Variants in PRKN observed in about 807,000 individuals in gnomAD.
PRKN encodes the protein E3 ubiquitin-protein ligase parkin.
A neutral mutation model predicts 59.5 loss-of-function variants in PRKN; 56 were observed. That is an observed-to-expected ratio of 0.94 (90% confidence interval 0.76 to 1.18). PRKN has a LOEUF of 1.18. Ranked by LOEUF, PRKN falls within the 50% of genes most tolerant of loss-of-function variation. PRKN has a pLI of 0.00. For synonymous variants in PRKN, 250 were observed against 222.1 expected, an observed-to-expected ratio of 1.13 and a Z score of -1.12; for missense variants, 657 against 596.4, an observed-to-expected ratio of 1.10 and a Z score of -1.06.
chr6:162,612,030 GA>G (rs370097730), intron 1 of PRKN, among the ~76,000 whole-genome samples: 33,300 of 142,942 alleles, frequency 0.23, 4,009 homozygotes, highest in East Asian at 0.51. Flanking sequence ...CTAAAAATAC[GA>G]AAAAAAAAAA....
rs1273824143 is a variant in PRKN, at chr6:161,688,164, A to G, written c.871+97608T>C. Among the ~76,000 whole-genome samples, 7 of 152,336 alleles carry G rather than the reference A, an allele frequency of 4.6e-5. No individual in the cohort carries two copies. The East Asian group carries it at 1.3e-3, about 29-fold the overall frequency. On this transcript the variant is annotated intron_variant, in intron 7 of 11. Coordinates refer to ENST00000366898, the MANE Select transcript of PRKN (RefSeq NM_004562.3). ...TTTTCCGTGAATTAGACTGGATCTT[A>G]AGTGAAGGAGACACAAACCAACTGC...
At chr6:162,609,008 G>A (rs1183982791) in intron 1 of PRKN, among the ~76,000 whole-genome samples, 1 of 152,150 alleles carries the variant, frequency 6.6e-6, no homozygotes, top group Non-Finnish European at 1.5e-5. Flanking sequence ...CTCTTCCTGA[G>A]AAGAGACAGT....
chr6:162,060,150 T>C (rs1332105556), intron 4 of PRKN, among the ~76,000 whole-genome samples: 2 of 152,218 alleles, frequency 1.3e-5, no homozygotes, highest in African/African-American at 4.8e-5. Context: ...AAAAGTACTC[T>C]TTTATTTTTA....
intron 7 of PRKN, among the ~76,000 whole-genome samples, chr6:161,762,968 C>T (rs1294427768): frequency 6.6e-6 from 1 of 152,076 alleles, no homozygotes; most frequent in Non-Finnish European, 1.5e-5. Flanking sequence ...TGAGAGACTA[C>T]TGAGGACAAA....
chr6:161,825,657 G>A (rs1792213863), intron 6 of PRKN, among the ~76,000 whole-genome samples: 1 of 152,186 alleles, frequency 6.6e-6, no homozygotes, highest in Admixed American at 6.5e-5. Context: ...TGGGCATGGG[G>A]TTTTGCTTCC....
chr6:162,198,388 A>G (rs1328567977), intron 4 of PRKN, among the ~76,000 whole-genome samples: 1 of 151,596 alleles, frequency 6.6e-6, no homozygotes, highest in African/African-American at 2.4e-5. Flanking sequence ...GCAGAGCAGT[A>G]GAGGTAGGGG....
chr6:162,725,517 T>C (rs1181911464), intron 1 of PRKN, among the ~76,000 whole-genome samples: 1 of 152,160 alleles, frequency 6.6e-6, no homozygotes, highest in East Asian at 1.9e-4. Flanking sequence ...CCCAGCACTT[T>C]CAGAGGCGAA....
intron 7 of PRKN, among the ~76,000 whole-genome samples, chr6:161,668,228 AT>A (rs1784789320): frequency 6.6e-6 from 1 of 151,080 alleles, no homozygotes; most frequent in African/African-American, 2.4e-5. Context: ...AAAAACTCCC[AT>A]TAAAAAAAAA....
At chr6:161,861,678 C>A (rs1269628676) in intron 6 of PRKN, among the ~76,000 whole-genome samples, 3 of 150,980 alleles carry the variant, frequency 2.0e-5, no homozygotes, top group African/African-American at 7.3e-5. Flanking sequence ...CCCTCATATG[C>A]AGATAATCCC....
At chr6:162,477,801 G>A (rs1792097109) in intron 1 of PRKN, among the ~76,000 whole-genome samples, 2 of 152,218 alleles carry the variant, frequency 1.3e-5, no homozygotes, top group East Asian at 1.9e-4. Context: ...TTCCCCTACA[G>A]CATCTCTAAC....
intron 3 of PRKN, among the ~76,000 whole-genome samples, chr6:162,255,464 A>G (rs1006294759): frequency 2.6e-5 from 4 of 152,186 alleles, no homozygotes; most frequent in African/African-American, 7.2e-5. Context: ...TTTAAAAACA[A>G]AACAAAACAG....
At chr6:162,177,633 T>A (rs530842743) in intron 4 of PRKN, among the ~76,000 whole-genome samples, 2 of 151,998 alleles carry the variant, frequency 1.3e-5, no homozygotes, top group South Asian at 4.2e-4. Flanking sequence ...AAAAGGACTT[T>A]GATATAATTA....
At chr6:162,622,122 C>T (rs1583925736) in intron 1 of PRKN, among the ~76,000 whole-genome samples, 1 of 127,150 alleles carries the variant, frequency 7.9e-6, no homozygotes, top group African/African-American at 2.7e-5. Context: ...CTAATCTTCA[C>T]TTTAAGTTGA....
At chr6:162,455,085 G>C (rs901229362) in intron 1 of PRKN, among the ~76,000 whole-genome samples, 12 of 152,126 alleles carry the variant, frequency 7.9e-5, no homozygotes, top group African/African-American at 2.7e-4. Flanking sequence ...TCTACCCCTT[G>C]GTATTGCCAA....
intron 2 of PRKN, among the ~76,000 whole-genome samples, chr6:162,337,080 G>A (rs1783878854): frequency 6.6e-6 from 1 of 152,140 alleles, no homozygotes; most frequent in Admixed American, 6.5e-5. Flanking sequence ...TATGTATCTT[G>A]TGACTACAAA....
chr6:161,798,116 G>A (rs543284484), intron 6 of PRKN, among the ~76,000 whole-genome samples: 1 of 152,306 alleles, frequency 6.6e-6, no homozygotes, highest in Non-Finnish European at 1.5e-5. Context: ...CGGGAGAATG[G>A]CTTGAACTCA....
intron 1 of PRKN, among the ~76,000 whole-genome samples, chr6:162,461,762 G>C (rs1791189220): frequency 6.6e-6 from 1 of 151,534 alleles, no homozygotes; most frequent in Non-Finnish European, 1.5e-5. Flanking sequence ...GGAGGTGGAG[G>C]TTGCAGTGAG....
At chr6:161,505,163 T>C (rs1778113786) in intron 9 of PRKN, among the ~76,000 whole-genome samples, 1 of 152,196 alleles carries the variant, frequency 6.6e-6, no homozygotes, top group South Asian at 2.1e-4. Flanking sequence ...TGTTCCTATT[T>C]CTCCACATCC....
chr6:162,474,720 G>A (rs4709623), intron 1 of PRKN, among the ~76,000 whole-genome samples: 47,386 of 151,958 alleles, frequency 0.31, 7,673 homozygotes, highest in East Asian at 0.49. Flanking sequence ...AGGTTTCGAT[G>A]GGAGATGATG....
Sources: allele counts gnomAD v4.1 joint callset (sites outside exome capture counted in the v4.1 genomes callset), GRCh38; gene constraint gnomAD v4.1.1; transcripts MANE v1.5; gene names NCBI Gene and HGNC (gene_info 2026-07-23, HGNC 2026-07-21).